The following C9orf72 variants were observed in gnomAD, a reference collection of about 807,000 sequenced individuals.
The protein encoded by C9orf72 is guanine nucleotide exchange factor C9orf72.
Under a neutral mutation model 51.6 loss-of-function variants are expected in C9orf72, and 44 were observed. The observed-to-expected ratio is 0.85, with a 90% CI of 0.67 to 1.10. The LOEUF is 1.10. C9orf72 is among the 50% of genes least tolerant of loss of function. The pLI is 0.00. For synonymous variants in C9orf72, 213 were observed against 194.2 expected (o/e 1.10, Z -0.81); for missense variants, 607 against 570.6 (o/e 1.06, Z -0.65).
chr9:27,558,445 A>G, intron 7 of C9orf72, 46 bp downstream of exon 7: 1 of 1,026,068 alleles, frequency 9.7e-7, no homozygotes, highest in African/African-American at 1.6e-5. Context: ...AGTCTCAAAA[A>G]TGATTTTAGA....
chr9:27,572,981 T>C (rs1819621295), intron 1 of C9orf72, among the ~76,000 whole-genome samples: 1 of 152,172 alleles, frequency 6.6e-6, no homozygotes, highest in Non-Finnish European at 1.5e-5. Flanking sequence ...CATGATCTCC[T>C]CGCCGGCAGG....
chr9:27,553,286 G>A (rs567197503), intron 8 of C9orf72, among the ~76,000 whole-genome samples: 1 of 152,238 alleles, frequency 6.6e-6, no homozygotes, highest in South Asian at 2.1e-4. Flanking sequence ...AAAGAACAAA[G>A]CTGGAGGCAT....
intron 3 of C9orf72, among the ~76,000 whole-genome samples, chr9:27,565,323 G>C (rs952058951): frequency 3.9e-5 from 6 of 151,958 alleles, no homozygotes; most frequent in African/African-American, 9.6e-5. Context: ...TTAATTTGTA[G>C]ATGCAATTAC....
intron 1 of C9orf72, among the ~76,000 whole-genome samples, chr9:27,568,448 G>C (rs1056697702): frequency 1.3e-5 from 2 of 152,136 alleles, no homozygotes; most frequent in Non-Finnish European, 2.9e-5. Context: ...TCACATCCAA[G>C]ACAGAACCCA....
At chr9:27,567,589 G>C (rs767608098) in intron 1 of C9orf72, among the ~76,000 whole-genome samples, 3 of 152,156 alleles carry the variant, frequency 2.0e-5, no homozygotes, top group Non-Finnish European at 4.4e-5. Context: ...GAAAGGCTCA[G>C]CTAGAGACTG....
At chr9:27,566,191 G>A (rs982208572) in intron 2 of C9orf72, among the ~76,000 whole-genome samples, 2 of 152,130 alleles carry the variant, frequency 1.3e-5, no homozygotes, top group African/African-American at 4.8e-5. Context: ...ATTTCTGTAA[G>A]ATTAAAAGGA....
chr9:27,565,097 A>AT (rs1306665444), intron 3 of C9orf72, among the ~76,000 whole-genome samples: 1 of 152,132 alleles, frequency 6.6e-6, no homozygotes, highest in Non-Finnish European at 1.5e-5. Context: ...ACGATACAAC[A>AT]TAAGACTTAG....
intron 1 of C9orf72, among the ~76,000 whole-genome samples, chr9:27,572,037 T>C (rs1380073719): frequency 6.6e-6 from 1 of 152,242 alleles, no homozygotes; most frequent in Admixed American, 6.5e-5. Flanking sequence ...TAACGTAGAA[T>C]AGAACCCGAG....
Position 27,556,731 on chromosome 9 carries a change from G to C in C9orf72, c.921C>G (p.His307Gln). ...TCACAGTATTGACATCCACATCTAT[G>C]TGTGTGGTGGGATATGGAGCATACA... The part of the protein sequence containing the change: ...QVMYAPYPTT[H>Q]IDVDVNTVKQ... The change falls in exon 8 of 11, where the codon CAC becomes CAG. Residue 307 changes from histidine (H) to glutamine (Q), a missense_variant. Physicochemically the swap from His to Gln is conservative, Grantham distance 24. Transcript: ENST00000380003. The C allele has an allele frequency of 2.5e-6, 4 of 1,613,950 alleles. No homozygotes were observed. Among genetic ancestry groups the C allele is most frequent in the Non-Finnish European group, 3.4e-6 (4 of 1,179,828 alleles).
intron 6 of C9orf72, chr9:27,559,112 A>C (rs1819278171): frequency 6.6e-6 from 1 of 152,360 alleles, no homozygotes; most frequent in Non-Finnish European, 1.5e-5. Context: ...AAAAATAAAA[A>C]GGCATGTAAC....
intron 8 of C9orf72, among the ~76,000 whole-genome samples, chr9:27,553,971 A>C (rs1284503383): frequency 2.0e-5 from 3 of 152,086 alleles, no homozygotes; most frequent in African/African-American, 7.2e-5. Flanking sequence ...GAGAATTGCA[A>C]ATCAATTCTC....
rs746739728 is a variant in C9orf72 at position 27,562,361 on chromosome 9, T to C, written c.600+20A>G. 2 of 1,329,634 alleles carry C rather than the reference T, an allele frequency of 1.5e-6. No individual in the cohort carries two copies. The highest frequency in any genetic ancestry group is 1.9e-4 in the Middle Eastern group (1 of 5,230). 82.4% of individuals were successfully genotyped at this position (1,329,634 alleles called of 1,614,324 possible). A position where few individuals can be genotyped will look rare whatever the true frequency, so the allele number is the denominator to read the frequency against. ...CCCAAAAAACTCATAAAGTGTATAA[T>C]TGCTCTCATTTAAACTTACATCTAT... is the stretch of plus-strand genomic sequence containing the variant. On this transcript the variant is annotated intron_variant, in intron 4 of 10. Coordinates refer to ENST00000380003, the MANE Select transcript of C9orf72 (RefSeq NM_018325.5).
chr9:27,551,652 G>A (rs1444854868), intron 8 of C9orf72, among the ~76,000 whole-genome samples: 1 of 152,196 alleles, frequency 6.6e-6, no homozygotes, highest in Non-Finnish European at 1.5e-5. Context: ...CCGTAAAGGG[G>A]AAAAATATTA....
Position 27,566,729 on chromosome 9 carries a change from C to T in C9orf72, c.392G>A (p.Cys131Tyr). The stretch of plus-strand genomic sequence containing the variant: ...GATTATATGTGTTAATCTATCAACA[C>T]ACACTCTATGAAGTGGGAGGTAGAA... The part of the protein sequence containing the change: ...LSFYLPLHRV[C>Y]VDRLTHIIRK... The change falls in exon 2 of 11, where the codon TGT (cysteine) becomes TAT (tyrosine). Residue 131 changes from cysteine to tyrosine, a missense_variant. Physicochemically the swap from Cys to Tyr is radical, Grantham distance 194. Transcript: ENST00000380003. 1.2e-5 allele frequency: 19 copies of T among 1,613,586 alleles called. No homozygotes were observed. Among genetic ancestry groups the T allele is most frequent in the Middle Eastern group, 1.7e-4 (1 of 6,056 alleles).
intron 1 of C9orf72, among the ~76,000 whole-genome samples, chr9:27,571,862 A>T (rs1819593138): frequency 6.6e-6 from 1 of 152,216 alleles, no homozygotes; most frequent in Non-Finnish European, 1.5e-5. Flanking sequence ...CACTTCAAGG[A>T]CAGTGAACTG....
At chr9:27,548,755 G>T in intron 9 of C9orf72, 89 bp from the exon 10 acceptor site, 1 of 723,568 alleles carries the variant, frequency 1.4e-6, no homozygotes, top group Non-Finnish European at 2.5e-6. Flanking sequence ...GTGCTTGGCA[G>T]ACAATACACA....
At chr9:27,572,387 A>G (rs542366299) in intron 1 of C9orf72, among the ~76,000 whole-genome samples, 137 of 152,246 alleles carry the variant, frequency 9.0e-4, no homozygotes, top group African/African-American at 3.2e-3. Context: ...CCTATATGAT[A>G]GTCTTGTTTC....
chr9:27,549,863 T>C (rs923751586), intron 9 of C9orf72, among the ~76,000 whole-genome samples: 11 of 151,508 alleles, frequency 7.3e-5, no homozygotes, highest in African/African-American at 2.4e-4. Flanking sequence ...GCACTCTTAA[T>C]TGTTAATATA....
chr9:27,570,166 C>T (rs1180150548), intron 1 of C9orf72, among the ~76,000 whole-genome samples: 1 of 152,054 alleles, frequency 6.6e-6, no homozygotes, highest in Non-Finnish European at 1.5e-5. Flanking sequence ...AGATATAAGC[C>T]GTACAGCTTC....
Sources: gnomAD v4.1 joint callset for allele counts (sites outside exome capture counted in the v4.1 genomes callset) on GRCh38, gnomAD v4.1.1 for gene constraint, MANE v1.5 for transcripts, NCBI Gene and HGNC (gene_info 2026-07-23, HGNC 2026-07-21) for gene names.